CD164: variants seen among roughly 807,000 people sequenced by gnomAD.
The protein encoded by CD164 is CD164 molecule, also known as sialomucin core protein 24.
CD164 carries 11 observed loss-of-function variants against 24.6 expected under a neutral mutation model. That is an observed-to-expected ratio of 0.45 (90% confidence interval 0.28 to 0.74). CD164 has a LOEUF of 0.74. Ranked by LOEUF, CD164 falls within the 30% of genes least tolerant of loss-of-function variation. CD164 has a pLI of 0.13. For synonymous variants in CD164, 126 were observed against 100.3 expected (o/e 1.26, Z -1.53); for missense variants, 295 against 243.7 (o/e 1.21, Z -1.40).
Position 109,382,220 on chromosome 6 carries a change from G to C in CD164, c.159C>G (p.Val53=). 1 of 1,573,538 alleles carries C rather than the reference G, an allele frequency of 6.4e-7. No homozygotes were observed. Among genetic ancestry groups the C allele is most frequent in the Non-Finnish European group, 8.6e-7 (1 of 1,164,838 alleles). Residue 53 remains valine, a synonymous_variant, in exon 1 of 6, where the codon GTC becomes GTG. Coordinates refer to ENST00000310786, the MANE Select transcript of CD164 (RefSeq NM_006016.6). ...CGCGCCCACCTGGTGCCGGAGTGGT[G>C]ACCAGCGGGAGGGACGTCACCGGCG... ...TSAPVTSLPL[V]TTPAPETCEG... is the part of the protein sequence containing the mutation.
intron 4 of CD164, among the ~76,000 whole-genome samples, chr6:109,375,254 T>C (rs1289862491): frequency 6.6e-6 from 1 of 152,098 alleles, no homozygotes; most frequent in Non-Finnish European, 1.5e-5. Flanking sequence ...GCATGGAGAA[T>C]GAGAGACGGC....
In CD164 at chr6:109,376,065, T is replaced by G; in HGVS notation, c.370+9A>C. On this transcript the variant is annotated intron_variant, in intron 4 of 5. Coordinates refer to ENST00000310786, the MANE Select transcript of CD164 (RefSeq NM_006016.6). ...AAGGAAAAGGAAGAAAACAGTCATC[T>G]TGAATTACCTGTAGAATTGGCTGTT... 1 of 1,566,168 alleles carries G rather than the reference T, an allele frequency of 6.4e-7. No homozygotes were observed. The highest frequency in any genetic ancestry group is 8.6e-7 in the Non-Finnish European group (1 of 1,165,650).
At position 109,382,424 on chromosome 6, in the gene CD164, G is replaced by T. The variant is rs763657345; in HGVS notation, c.-46C>A. 6.8e-7 allele frequency: 1 copy of T among 1,460,142 alleles called. No homozygotes were observed. Among genetic ancestry groups the T allele is most frequent in the Non-Finnish European group, 9.1e-7 (1 of 1,100,446 alleles). The allele number at this position is 1,460,142 out of a possible 1,614,324, so 90.4% of individuals were successfully genotyped here. On this transcript the variant is annotated 5_prime_UTR_variant, in exon 1 of 6. Transcript: ENST00000310786. ...TCGGGAGAAAGCTAAGGCTCGCAAC[G>T]CTCAGTCAACCCCTCAATCCCCTGC...
intron 1 of CD164, 25 bp downstream of exon 1, chr6:109,382,179 G>A (rs779886449): frequency 4.5e-5 from 67 of 1,503,552 alleles, no homozygotes; most frequent in Admixed American, 1.9e-4. Context: ...GGGGAGGGCG[G>A]GAAGCCCACA....
intron 1 of CD164, 191 bp from the exon 2 acceptor site, chr6:109,379,853 T>A (rs2275651): frequency 3.8e-6 from 2 of 520,058 alleles, no homozygotes; most frequent in Non-Finnish European, 6.8e-6. Flanking sequence ...GTAAACGCAT[T>A]AGAAAAACAA....
At chr6:109,380,256 G>A (rs1265845539) in intron 1 of CD164, 1 of 152,180 alleles carries the variant, frequency 6.6e-6, no homozygotes, top group Non-Finnish European at 1.5e-5. Flanking sequence ...TACAATTCAG[G>A]TTAACAAGGT....
At chr6:109,381,692 G>A in intron 1 of CD164, 3 of 661,328 alleles carry the variant, frequency 4.5e-6, no homozygotes, top group Non-Finnish European at 8.2e-6. Flanking sequence ...TCAAGTCTGA[G>A]ACACGAACGA....
intron 4 of CD164, among the ~76,000 whole-genome samples, chr6:109,373,684 T>C (rs926958073): frequency 6.6e-6 from 1 of 152,244 alleles, no homozygotes; most frequent in Non-Finnish European, 1.5e-5. Flanking sequence ...ACCAACCTTC[T>C]GAAAATTACT....
chr6:109,381,475 G>T (rs987771357), intron 1 of CD164: 25 of 701,422 alleles, frequency 3.6e-5, no homozygotes, highest in Non-Finnish European at 6.2e-5. Flanking sequence ...CTCCGTCTCT[G>T]CATCTACCTC....
Position 109,368,537 on chromosome 6 carries a change from G to C in CD164, c.*314C>G, listed in dbSNP as rs770640827. 30 of 1,340,786 alleles carry C rather than the reference G, an allele frequency of 2.2e-5. No individual in the cohort carries two copies. Among genetic ancestry groups the C allele is most frequent in the Non-Finnish European group, 2.9e-5 (30 of 1,051,916 alleles). The allele number at this position is 1,340,786 out of a possible 1,614,324, so 83.1% of individuals were successfully genotyped here. On this transcript the variant is annotated 3_prime_UTR_variant, in exon 6 of 6. Transcript: ENST00000310786. ...AAGAGCCATGATGTTGTCTGCACAA[G>C]ACAACATTTTCCATCACTTTCAGAA...
rs7372 is a variant in CD164, at chr6:109,366,911, A to G, written c.*1940T>C. The G allele has an allele frequency of 0.31, 46,774 of 152,158 alleles. 7,376 individuals are homozygous for G. Among genetic ancestry groups the G allele is most frequent in the Middle Eastern group, 0.42 (123 of 292 alleles). 9.4% of individuals were successfully genotyped at this position (152,158 alleles called of 1,614,324 possible). A position where few individuals can be genotyped will look rare whatever the true frequency, so the allele number is the denominator to read the frequency against. On this transcript the variant is annotated 3_prime_UTR_variant, in exon 6 of 6. Transcript: ENST00000310786. ...AAAATTACAGAAGCTTCAAATTGTT[A>G]TGTTTTCACAAAATTTGCTACATAT...
chr6:109,378,430 A>C (rs1278213400), intron 2 of CD164, among the ~76,000 whole-genome samples: 1 of 146,128 alleles, frequency 6.8e-6, no homozygotes, highest in Non-Finnish European at 1.5e-5. Context: ...AAAAATACAG[A>C]ACTCTGTCTC....
In CD164 at chr6:109,376,677, G is replaced by A. The variant is rs148927855; in HGVS notation, c.332-565C>T. Among the ~76,000 whole-genome samples, 404 of 152,256 alleles carry A rather than the reference G, an allele frequency of 2.7e-3. 2 individuals are homozygous for A. Among genetic ancestry groups the A allele is most frequent in the African/African-American group, 9.4e-3 (389 of 41,532 alleles). On this transcript the variant is annotated intron_variant, in intron 3 of 5. Coordinates refer to ENST00000310786, the MANE Select transcript of CD164 (RefSeq NM_006016.6). The stretch of plus-strand genomic sequence containing the variant: ...TCATAGCTGAAACTAATTCTAACTG[G>A]TACATCATCAAATATGCAGCAGTAC...
At chr6:109,378,611 C>G (rs922803978) in intron 2 of CD164, among the ~76,000 whole-genome samples, 1 of 152,124 alleles carries the variant, frequency 6.6e-6, no homozygotes, top group Admixed American at 6.5e-5. Flanking sequence ...AGACTTGGAA[C>G]AAGAGTAAGG....
chr6:109,376,258 C>G (rs1389044484), intron 3 of CD164, 146 bp from the exon 4 acceptor site: 1 of 532,464 alleles, frequency 1.9e-6, no homozygotes, highest in African/African-American at 2.0e-5. Flanking sequence ...AAGAGACTGA[C>G]AGTTGCCCCC....
At chr6:109,369,391 T>C (rs1024141071) in intron 5 of CD164, among the ~76,000 whole-genome samples, 2 of 152,216 alleles carry the variant, frequency 1.3e-5, no homozygotes, top group Non-Finnish European at 2.9e-5. Context: ...TCACATGACT[T>C]TTGAATTTAC....
intron 3 of CD164, 86 bp from the exon 4 acceptor site, chr6:109,376,198 T>C: frequency 1.1e-6 from 1 of 890,826 alleles, no homozygotes. Flanking sequence ...TGACCTGCAA[T>C]CATTTGAGTA....
At position 109,367,291 on chromosome 6, in the gene CD164, AC is replaced by A. The variant is rs1236717344; in HGVS notation, c.*1559del. On this transcript the variant is annotated 3_prime_UTR_variant, in exon 6 of 6. Coordinates refer to ENST00000310786, the MANE Select transcript of CD164 (RefSeq NM_006016.6). ...GAAACAGTAAATCTTCATCTTAACA[AC>A]CTTTAATAGTTATCTAAATGCAGAG... The A allele has an allele frequency of 6.6e-6, 1 of 152,622 alleles. No individual in the cohort carries two copies. Among genetic ancestry groups the A allele is most frequent in the Non-Finnish European group, 1.5e-5 (1 of 68,008 alleles). 9.5% of individuals were successfully genotyped at this position (152,622 alleles called of 1,614,324 possible).
At chr6:109,378,010 C>T in intron 2 of CD164, 39 bp from the exon 3 acceptor site, 1 of 1,510,974 alleles carries the variant, frequency 6.6e-7, no homozygotes, top group Non-Finnish European at 9.2e-7. Flanking sequence ...ACAGCATCAA[C>T]CACCCATTTG....
Sources: allele counts gnomAD v4.1 joint callset (sites outside exome capture counted in the v4.1 genomes callset), GRCh38; gene constraint gnomAD v4.1.1; transcripts MANE v1.5; gene names NCBI Gene and HGNC (gene_info 2026-07-23, HGNC 2026-07-21).